The following MEST variants were observed in gnomAD, a reference collection of about 807,000 sequenced individuals.
MEST encodes mesoderm-specific transcript homolog protein.
In MEST, 18 loss-of-function variants were observed where a neutral mutation model predicts 50.9. That is an observed-to-expected ratio of 0.35 (90% CI 0.24 to 0.52). MEST has a LOEUF of 0.52. Among genes scored for constraint, MEST ranks in the 20% least tolerant of loss-of-function variants. The pLI, the probability that MEST is intolerant of heterozygous loss-of-function variation, is 0.94. For synonymous variants in MEST, 130 were observed against 154.1 expected (o/e 0.84, Z 1.16); for missense variants, 282 against 425.3 (o/e 0.66, Z 2.96).
chr7:130,496,325 T>G, intron 2 of MEST: 1 of 384,328 alleles, frequency 2.6e-6, no homozygotes, highest in Non-Finnish European at 4.9e-6. Context: ...CCTTACATTT[T>G]CAAACTATAC....
At chr7:130,487,608 C>T (rs1279828496), upstream of MEST, 1 of 152,224 alleles carries the variant, frequency 6.6e-6, no homozygotes, top group Non-Finnish European at 1.5e-5. Context: ...TGAAGAGGAA[C>T]ACACCAGTAG....
chr7:130,496,528 G>A (rs1039864567), intron 2 of MEST: 1 of 210,414 alleles, frequency 4.8e-6, no homozygotes, highest in African/African-American at 2.4e-5. Flanking sequence ...TTGTCTAAAT[G>A]TTTACCTAAT....
Position 130,492,348 on chromosome 7 carries a change from G to A in MEST, c.26+9G>A. ...CGAGATCGCCTCCGCAGGTGAGTGTGCGGTGGGAACGAGGGGGTGTGGCTG... is the reference window on the plus strand; with the variant it reads ...CGAGATCGCCTCCGCAGGTGAGTGTACGGTGGGAACGAGGGGGTGTGGCTG... On this transcript the variant is annotated intron_variant, in intron 1 of 11. Transcript: ENST00000223215. This position sits in a 1 kb window ranked among gnomAD's most constrained non-coding sequence, Gnocchi z 7.6. The A allele has an allele frequency of 7.6e-7, 1 of 1,322,122 alleles. No homozygotes were observed. The highest frequency in any genetic ancestry group is 2.0e-4 in the Middle Eastern group (1 of 5,004). The allele number at this position is 1,322,122 out of a possible 1,614,324, so 81.9% of individuals were successfully genotyped here.
rs118016292 is a variant in MEST at position 130,502,924 on chromosome 7, A to C, written c.826+204A>C. Among the ~76,000 whole-genome samples, 236 of 152,362 alleles carry C rather than the reference A, an allele frequency of 1.5e-3. 5 individuals carry two copies. In the East Asian group the frequency reaches 0.041, roughly 27 times the overall value. On this transcript the variant is annotated intron_variant, in intron 10 of 11. Transcript: ENST00000223215. ...TATTTGGGACCTACTTACACCAAAA[A>C]AAAATCATTTTTCACCTGAAATTCA... is the stretch of plus-strand genomic sequence containing the variant.
chr7:130,495,324 A>G (rs782507189), intron 1 of MEST, 44 bp from the exon 2 acceptor site: 43 of 1,554,576 alleles, frequency 2.8e-5, no homozygotes, highest in Non-Finnish European at 3.6e-5. Context: ...ATGAGTGGAC[A>G]ATGTTACCTG....
In MEST at chr7:130,497,769, A is replaced by T. The variant is rs1799120051; in HGVS notation, c.262-167A>T. On this transcript the variant is annotated intron_variant, in intron 3 of 11. Coordinates refer to ENST00000223215, the MANE Select transcript of MEST (RefSeq NM_002402.4). The surrounding 1 kb of genome is among the most constrained non-coding windows in gnomAD (Gnocchi z 4.0). Reference sequence around the variant, plus strand: ...AACAGGGATTAATTACCAGGAATAAAGCATTTTCCAAGAGGATCATCTGTG... The same window carrying T: ...AACAGGGATTAATTACCAGGAATAATGCATTTTCCAAGAGGATCATCTGTG... 5 of 657,818 alleles carry T rather than the reference A, an allele frequency of 7.6e-6. No homozygotes were observed. The Admixed American group carries it at 7.6e-5, about 10-fold the overall frequency. The allele number at this position is 657,818 out of a possible 1,614,324, so 40.7% of individuals were successfully genotyped here.
intron 4 of MEST, 54 bp downstream of exon 4, chr7:130,498,067 A>C: frequency 1.2e-6 from 2 of 1,613,966 alleles, no homozygotes; most frequent in East Asian, 2.2e-5. Flanking sequence ...GACGCAGACT[A>C]TGAGGGTCAG....
upstream of MEST, among the ~76,000 whole-genome samples, chr7:130,490,621 G>A (rs142516469): frequency 1.8e-3 from 271 of 152,258 alleles, no homozygotes; most frequent in African/African-American, 6.1e-3. Flanking sequence ...GGGAGGAGTG[G>A]GTCAACTGCC....
intron 1 of MEST, among the ~76,000 whole-genome samples, chr7:130,494,376 G>C (rs1798957248): frequency 6.6e-6 from 1 of 152,080 alleles, no homozygotes; most frequent in Non-Finnish European, 1.5e-5. Flanking sequence ...GACAATTCTT[G>C]ATCTGTTGAC....
chr7:130,494,197 G>A (rs1043201106), intron 1 of MEST, among the ~76,000 whole-genome samples: 4 of 152,170 alleles, frequency 2.6e-5, no homozygotes, highest in Admixed American at 6.5e-5. Context: ...GGAAGTTAGC[G>A]AACGGGTAGG....
chr7:130,496,993 CACCT>C, intron 2 of MEST, 159 bp from the exon 3 acceptor site: 1 of 528,200 alleles, frequency 1.9e-6, no homozygotes, highest in Non-Finnish European at 3.4e-6. Flanking sequence ...GGCCTGTTCT[CACCT>C]AACGCAGTTA....
Position 130,492,533 on chromosome 7 carries a change from C to G in MEST, c.26+194C>G, listed in dbSNP as rs116453833. ...TCACTCCTGCCCGCAATGGAATGTT[C>G]AGAACGCGGGACCTCCTTGGGTTAG... On this transcript the variant is annotated intron_variant, in intron 1 of 11. Coordinates refer to ENST00000223215, the MANE Select transcript of MEST (RefSeq NM_002402.4). This position sits in a 1 kb window ranked among gnomAD's most constrained non-coding sequence, Gnocchi z 7.6. The G allele has an allele frequency of 3.9e-3, 1,584 of 408,428 alleles. 20 individuals carry two copies. Among genetic ancestry groups the G allele is most frequent in the African/African-American group, 0.03 (1,471 of 48,520 alleles). The allele number at this position is 408,428 out of a possible 1,614,324, so 25.3% of individuals were successfully genotyped here.
Position 130,497,639 on chromosome 7 carries a change from T to C in MEST, c.262-297T>C, listed in dbSNP as rs1554437386. 2 of 365,116 alleles carry C rather than the reference T, an allele frequency of 5.5e-6. No individual in the cohort carries two copies. The highest frequency in any genetic ancestry group is 2.1e-5 in the African/African-American group (1 of 48,196). The allele number at this position is 365,116 out of a possible 1,614,324, so 22.6% of individuals were successfully genotyped here. On this transcript the variant is annotated intron_variant, in intron 3 of 11. Transcript: ENST00000223215. The surrounding 1 kb of genome is among the most constrained non-coding windows in gnomAD (Gnocchi z 4.0). ...ACCAGAAGGCTCTTGCACATTTGAA[T>C]TGCTTTTAAAAAAACATTAAATGTT...
chr7:130,503,259 G>A (rs1554438984), intron 10 of MEST, among the ~76,000 whole-genome samples: 1 of 152,190 alleles, frequency 6.6e-6, no homozygotes, highest in East Asian at 1.9e-4. Flanking sequence ...GAAATTATTG[G>A]TTGATTTCAA....
intron 10 of MEST, 22 bp downstream of exon 10, chr7:130,502,742 A>G: frequency 1.3e-6 from 2 of 1,575,898 alleles, no homozygotes; most frequent in Non-Finnish European, 1.7e-6. Flanking sequence ...TGTATTATTG[A>G]TAGGAAACTG....
At position 130,492,498 on chromosome 7, in the gene MEST, G is replaced by A; in HGVS notation, c.26+159G>A. ...TTCCGCGCCCGCTCTGCCTACTTGA[G>A]GAGGGGGTGTCACTCCTGCCCGCAA... On this transcript the variant is annotated intron_variant, in intron 1 of 11. Coordinates refer to ENST00000223215, the MANE Select transcript of MEST (RefSeq NM_002402.4). The surrounding 1 kb of genome is among the most constrained non-coding windows in gnomAD (Gnocchi z 7.6). 3.9e-6 allele frequency: 2 copies of A among 509,924 alleles called. No individual in the cohort carries two copies. The highest frequency in any genetic ancestry group is 6.1e-6 in the Non-Finnish European group (2 of 329,292). The allele number at this position is 509,924 out of a possible 1,614,324, so 31.6% of individuals were successfully genotyped here. A position where few individuals can be genotyped will look rare whatever the true frequency, so the allele number is the denominator to read the frequency against.
Position 130,505,993 on chromosome 7 carries a change from A to AT in MEST, c.*938dup, listed in dbSNP as rs1799464763. The AT allele has an allele frequency of 6.6e-6, 1 of 152,608 alleles. No individual in the cohort carries two copies. The allele number at this position is 152,608 out of a possible 1,614,324, so 9.5% of individuals were successfully genotyped here. A position where few individuals can be genotyped will look rare whatever the true frequency, so the allele number is the denominator to read the frequency against. ...ATGCTGAATGTACACTGATTCCTTT[A>AT]TGATGACTGCTTAACTCCCCACTGC... On this transcript the variant is annotated 3_prime_UTR_variant, in exon 12 of 12. Transcript: ENST00000223215.
At position 130,500,572 on chromosome 7, in the gene MEST, C is replaced by A. The variant is rs1345618154; in HGVS notation, c.647+40C>A. On this transcript the variant is annotated intron_variant, in intron 8 of 11. Coordinates refer to ENST00000223215, the MANE Select transcript of MEST (RefSeq NM_002402.4). The surrounding 1 kb of genome is among the most constrained non-coding windows in gnomAD (Gnocchi z 5.0). Reference sequence around the variant, plus strand: ...CAAAGATTGTGGCCTAGAGCAATGTCGTGAAAAGTTGCTGCCATTACAATT... The same window carrying A: ...CAAAGATTGTGGCCTAGAGCAATGTAGTGAAAAGTTGCTGCCATTACAATT... 1.3e-6 allele frequency: 2 copies of A among 1,574,236 alleles called. No individual in the cohort carries two copies. Among genetic ancestry groups the A allele is most frequent in the East Asian group, 4.5e-5 (2 of 44,480 alleles).
chr7:130,494,868 C>A, intron 1 of MEST: 1 of 982,388 alleles, frequency 1.0e-6, no homozygotes, highest in Non-Finnish European at 1.2e-6. Flanking sequence ...TACACACACA[C>A]ACTCTTTAAA....
Sources: allele counts gnomAD v4.1 joint callset (sites outside exome capture counted in the v4.1 genomes callset), GRCh38; gene constraint gnomAD v4.1.1; non-coding constraint Gnocchi (gnomAD v3.1); transcripts MANE v1.5; gene names NCBI Gene and HGNC (gene_info 2026-07-23, HGNC 2026-07-21).